Variants in AARS2 observed in about 807,000 individuals in gnomAD.
AARS2 encodes the protein alanyl-tRNA synthetase 2, mitochondrial.
Under a neutral mutation model 119.7 loss-of-function variants are expected in AARS2, and 78 were observed. That is an observed-to-expected ratio of 0.65 (90% confidence interval 0.54 to 0.79). The LOEUF (loss-of-function observed/expected upper bound fraction) is 0.79. Among genes scored for constraint, AARS2 ranks in the 30% least tolerant of loss-of-function variants. The probability of loss-of-function intolerance (pLI) is 0.00; values close to 1 mark genes in which losing one functional copy is unlikely to be tolerated. For synonymous variants in AARS2, 502 were observed against 526.3 expected, an observed-to-expected ratio of 0.95 and a Z score of 0.63; for missense variants, 1,157 against 1,291.3, an observed-to-expected ratio of 0.90 and a Z score of 1.59.
At chr6:44,304,030 A>T in intron 14 of AARS2, 151 bp downstream of exon 14, 2 of 1,146,034 alleles carry the variant, frequency 1.7e-6, no homozygotes, top group Non-Finnish European at 2.5e-6. Context: ...AAGGAGCCCA[A>T]GGGGAAAGGA....
chr6:44,311,104 C>A lies in AARS2; in HGVS notation c.639G>T (p.Gly213=). The change falls in exon 4 of 22, where the codon GGG becomes GGT. Residue 213 remains glycine, a synonymous_variant. Coordinates refer to ENST00000244571, the MANE Select transcript of AARS2 (RefSeq NM_020745.4). ...TACAGGGCCCACAAGGGCCAGTATC[C>A]CCCATCTCCCAGAAGTTCTCTTGTG... ...FGPQENFWEM[G]DTGPCGPCTE... The A allele has an allele frequency of 6.2e-7, 1 of 1,614,088 alleles. No individual in the cohort carries two copies.
Position 44,301,412 on chromosome 6 carries a change from A to G in AARS2, c.2651T>C (p.Ile884Thr). 1 of 1,613,956 alleles carries G rather than the reference A, an allele frequency of 6.2e-7. No homozygotes were observed. The highest frequency in any genetic ancestry group is 1.6e-4 in the Middle Eastern group (1 of 6,062). ...AGACTCAGCAGAGACTGTGTCCACA[A>G]TCAGAGGCCCCTTCGAGTGCCGCTC... Reference protein sequence around the residue: ...LLERHSKGPLIVDTVSAESLS... With the variant: ...LLERHSKGPLTVDTVSAESLS... The change falls in exon 20 of 22, where the codon ATT (isoleucine) becomes ACT (threonine). Residue 884 changes from isoleucine to threonine, a missense_variant. Physicochemically the swap from Ile to Thr is moderately conservative, Grantham distance 89 (BLOSUM62 -1). Coordinates refer to ENST00000244571, the MANE Select transcript of AARS2 (RefSeq NM_020745.4).
At position 44,305,169 on chromosome 6, in the gene AARS2, C is replaced by G. The variant is rs1170641157; in HGVS notation, c.1464G>C (p.Gln488His). 9 of 1,613,296 alleles carry G rather than the reference C, an allele frequency of 5.6e-6. No homozygotes were observed. The highest frequency in any genetic ancestry group is 7.6e-6 in the Non-Finnish European group (9 of 1,180,030). The change falls in exon 11 of 22, where the codon CAG becomes CAC. Residue 488 changes from glutamine to histidine, a missense_variant. Coordinates refer to ENST00000244571, the MANE Select transcript of AARS2 (RefSeq NM_020745.4). This position sits in a 1 kb window ranked among gnomAD's most constrained non-coding sequence, Gnocchi z 4.6. ...QHRARQAEPV[Q>H]KQGLWLDVHA... ...GGACATCAAGCCACAATCCCTGCTTCTGAACTGGCTCAGCCTGCCGTGCCC... is the reference window on the plus strand; with the variant it reads ...GGACATCAAGCCACAATCCCTGCTTGTGAACTGGCTCAGCCTGCCGTGCCC...
rs1205439814 is a variant in AARS2 at position 44,307,851 on chromosome 6, T to TA, written c.895-458_895-457insT. Among the ~76,000 whole-genome samples the TA allele has an allele frequency of 1.3e-5, 2 of 152,178 alleles. No individual in the cohort carries two copies. Among genetic ancestry groups the TA allele is most frequent in the Non-Finnish European group, 2.9e-5 (2 of 68,026 alleles). On this transcript the variant is annotated intron_variant, in intron 5 of 21. Transcript: ENST00000244571. The surrounding 1 kb of genome is among the most constrained non-coding windows in gnomAD (Gnocchi z 4.4). ...TACCTGTTCTTGCCTCTCCCATCTT[T>TA]TGTGGGGGTGGGCAGGGAGGGAGAG...
chr6:44,306,392 C>G lies in AARS2; in HGVS notation c.1189-1G>C, dbSNP rs1230080210. 2.5e-6 allele frequency: 4 copies of G among 1,613,892 alleles called. No homozygotes were observed. The African/African-American group carries it at 5.3e-5, about 22-fold the overall frequency. On this transcript the variant is annotated splice_acceptor_variant, in intron 8 of 21. Coordinates refer to ENST00000244571, the MANE Select transcript of AARS2 (RefSeq NM_020745.4). LOFTEE classifies it high-confidence loss of function. ...CGTCCTCTGACACCAGGTTGGCGATCTGAACCAGGCAGAGAAGAAGTGGAG... is the reference window on the plus strand; with the variant it reads ...CGTCCTCTGACACCAGGTTGGCGATGTGAACCAGGCAGAGAAGAAGTGGAG...
At chr6:44,304,089 C>G in intron 14 of AARS2, 92 bp downstream of exon 14, 1 of 1,589,320 alleles carries the variant, frequency 6.3e-7, no homozygotes. Context: ...GGCCTAGAGC[C>G]CAGGACTCTA....
intron 3 of AARS2, 59 bp downstream of exon 3, chr6:44,311,331 T>G (rs1786332865): frequency 6.2e-7 from 1 of 1,611,934 alleles, no homozygotes; most frequent in Admixed American, 1.7e-5. Flanking sequence ...GTGCTGGTAG[T>G]CTCCACTTTC....
rs1456273273 is a variant in AARS2, at chr6:44,313,128, G to A, written c.196C>T (p.Pro66Ser). Reference sequence around the variant, plus strand: ...AAAAGCAAACTGGGGTCGCCGCGGGGCCGCACGGAAGCGGAGGGCACCAGC... The same window carrying A: ...AAAAGCAAACTGGGGTCGCCGCGGGACCGCACGGAAGCGGAGGGCACCAGC... ...HRLVPSASVR[P>S]RGDPSLLFVN... The change falls in exon 1 of 22, where the codon CCC (proline) becomes TCC (serine). Residue 66 changes from proline (P) to serine (S), a missense_variant. Coordinates refer to ENST00000244571, the MANE Select transcript of AARS2 (RefSeq NM_020745.4). The A allele has an allele frequency of 1.9e-6, 3 of 1,612,668 alleles. No homozygotes were observed. The highest frequency in any genetic ancestry group is 1.1e-5 in the South Asian group (1 of 90,956).
In AARS2 at chr6:44,300,153, G is replaced by A. The variant is rs545769603; in HGVS notation, c.*394C>T. On this transcript the variant is annotated 3_prime_UTR_variant, in exon 22 of 22. Transcript: ENST00000244571. The stretch of plus-strand genomic sequence containing the variant: ...TGCCACCACACCCGGCTAATTTTTT[G>A]TATTTTTAGTAGAGATGGGGTTTCA... 8.0e-6 allele frequency: 2 copies of A among 250,592 alleles called. No homozygotes were observed. The highest frequency in any genetic ancestry group is 1.6e-5 in the Non-Finnish European group (2 of 125,988). 15.5% of individuals were successfully genotyped at this position (250,592 alleles called of 1,614,324 possible). A position where few individuals can be genotyped will look rare whatever the true frequency, so the allele number is the denominator to read the frequency against.
intron 5 of AARS2, among the ~76,000 whole-genome samples, chr6:44,309,058 C>T (rs899430502): frequency 1.2e-4 from 19 of 152,200 alleles, no homozygotes; most frequent in African/African-American, 4.3e-4. Context: ...AGCTGTTTCC[C>T]ATCAAGGGAC....
Position 44,299,437 on chromosome 6 carries a change from T to A in AARS2, c.*1110A>T, listed in dbSNP as rs1785182363. Among the ~76,000 whole-genome samples the A allele has an allele frequency of 6.6e-6, 1 of 150,742 alleles. No individual in the cohort carries two copies. The highest frequency in any genetic ancestry group is 2.1e-4 in the South Asian group (1 of 4,816). Reference sequence around the variant, plus strand: ...GGAGGCTGAGGCATAAAGATTACTTTTTTTTTTTTTTGTAGACAGGGTCTT... The same window carrying A: ...GGAGGCTGAGGCATAAAGATTACTTATTTTTTTTTTTGTAGACAGGGTCTT... On this transcript the variant is annotated 3_prime_UTR_variant, in exon 22 of 22. Coordinates refer to ENST00000244571, the MANE Select transcript of AARS2 (RefSeq NM_020745.4).
chr6:44,302,920 G>A lies in AARS2; in HGVS notation c.2256-10C>T, dbSNP rs758980971. On this transcript the variant is annotated splice_polypyrimidine_tract_variant and intron_variant, in intron 16 of 21. Transcript: ENST00000244571. ...AGTACGTAACAGGTGCCTGTGGGAG[G>A]AAGGAGTGAACAGAAAGTCGGGGCA... The A allele has an allele frequency of 1.2e-5, 19 of 1,613,300 alleles. No individual in the cohort carries two copies. The South Asian group carries it at 2.1e-4, about 18-fold the overall frequency.
Position 44,303,175 on chromosome 6 carries a change from C to A in AARS2, c.2146G>T (p.Val716Phe), listed in dbSNP as rs376864878. 1 of 1,614,178 alleles carries A rather than the reference C, an allele frequency of 6.2e-7. No individual in the cohort carries two copies. Among genetic ancestry groups the A allele is most frequent in the South Asian group, 1.1e-5 (1 of 91,078 alleles). ...ACCACCCGCACAGGGTCTGGGTAAACCTGAGGTCAAGAGGGGACAGGCCCG... is the reference window on the plus strand; with the variant it reads ...ACCACCCGCACAGGGTCTGGGTAAAACTGAGGTCAAGAGGGGACAGGCCCG... ...QVPGLRSLDE[V>F]YPDPVRVVSV... is the part of the protein sequence containing the mutation. Residue 716 changes from valine (V) to phenylalanine (F), a missense_variant and splice_region_variant, in exon 16 of 22, where the codon GTT becomes TTT. Coordinates refer to ENST00000244571, the MANE Select transcript of AARS2 (RefSeq NM_020745.4).
chr6:44,307,050 C>T lies in AARS2; in HGVS notation c.1041-19G>A. 6.2e-7 allele frequency: 1 copy of T among 1,612,894 alleles called. No homozygotes were observed. The highest frequency in any genetic ancestry group is 8.5e-7 in the Non-Finnish European group (1 of 1,178,948). On this transcript the variant is annotated intron_variant, in intron 6 of 21. Coordinates refer to ENST00000244571, the MANE Select transcript of AARS2 (RefSeq NM_020745.4). The surrounding 1 kb of genome is among the most constrained non-coding windows in gnomAD (Gnocchi z 4.4). ...AACCAGCCTAAAGGGGTTCAGAGCC[C>T]AGACATGAATCCCCAGCGGCTCATG...
Position 44,313,094 on chromosome 6 carries a change from G to C in AARS2, c.230C>G (p.Ala77Gly). The change falls in exon 1 of 22, where the codon GCG (alanine) becomes GGG (glycine). Residue 77 changes from alanine (A) to glycine (G), a missense_variant. Transcript: ENST00000244571. ...RGDPSLLFVN[A>G]GMNQFKPIFL... ...TTCGGCCCTCACCTGGTTCATGCCC[G>C]CATTGACAAAAAGCAAACTGGGGTC... is the stretch of plus-strand genomic sequence containing the variant. 6.2e-7 allele frequency: 1 copy of C among 1,613,318 alleles called. No individual in the cohort carries two copies.
rs751523537 is a variant in AARS2 at position 44,303,399 on chromosome 6, G to A, written c.2032C>T (p.Arg678Trp). 1.5e-5 allele frequency: 24 copies of A among 1,613,910 alleles called. No homozygotes were observed. Among genetic ancestry groups the A allele is most frequent in the Middle Eastern group, 1.6e-4 (1 of 6,084 alleles). Reference sequence around the variant, plus strand: ...TCCTGCACAGTGTTCTCCACTGCCCGGAGCTGCTCTGGGGTCAATGGGGTC... The same window carrying A: ...TCCTGCACAGTGTTCTCCACTGCCCAGAGCTGCTCTGGGGTCAATGGGGTC... ...TQTPLTPEQL[R>W]AVENTVQEAV... The change falls in exon 15 of 22, where the codon CGG becomes TGG. Residue 678 changes from arginine (R) to tryptophan (W), a missense_variant. By Grantham distance (101) the Arg-to-Trp change is moderately radical (BLOSUM62 -3). Transcript: ENST00000244571.
Position 44,305,294 on chromosome 6 carries a change from T to C in AARS2, c.1435-96A>G. On this transcript the variant is annotated intron_variant, in intron 10 of 21. Coordinates refer to ENST00000244571, the MANE Select transcript of AARS2 (RefSeq NM_020745.4). The surrounding 1 kb of genome is among the most constrained non-coding windows in gnomAD (Gnocchi z 4.6). The stretch of plus-strand genomic sequence containing the variant: ...CAGGGCCCTGTCCCTGCCACACAGC[T>C]GTGGACTCTGCAGCCCTTCTGGAAT... The C allele has an allele frequency of 6.4e-7, 1 of 1,553,426 alleles. No individual in the cohort carries two copies. Among genetic ancestry groups the C allele is most frequent in the South Asian group, 1.1e-5 (1 of 89,344 alleles).
Position 44,302,168 on chromosome 6 carries a change from A to G in AARS2, c.2490T>C (p.Ala830=). 1.9e-6 allele frequency: 3 copies of G among 1,614,046 alleles called. No homozygotes were observed. In the South Asian group the frequency reaches 3.3e-5, roughly 18 times the overall value. Residue 830 remains alanine, a splice_region_variant and synonymous_variant, in exon 19 of 22, where the codon GCT becomes GCC. Coordinates refer to ENST00000244571, the MANE Select transcript of AARS2 (RefSeq NM_020745.4). ...LSKDIGRLIE[A]VETAVMPQWQ... ...ACTGGGGCATCACAGCAGTTTCCAC[A>G]GCCTATGGCCAGAAGCAGTACATCA...
In AARS2 at chr6:44,301,187, C is replaced by A; in HGVS notation, c.2762G>T (p.Gly921Val). ...CACCTGACAGGCACACAGCACCTTC[C>A]CCATGGGCTGGGGGCTGAGTAGGAG... ...SVLLLSPQPM[G>V]KVLCACQVAQ... is the part of the protein sequence containing the mutation. Residue 921 changes from glycine to valine, a missense_variant, in exon 21 of 22, where the codon GGG (glycine) becomes GTG (valine). By Grantham distance (109) the Gly-to-Val change is moderately radical (BLOSUM62 -3). Transcript: ENST00000244571. The A allele has an allele frequency of 6.2e-7, 1 of 1,613,734 alleles. No individual in the cohort carries two copies. Among genetic ancestry groups the A allele is most frequent in the Non-Finnish European group, 8.5e-7 (1 of 1,179,978 alleles).
Sources: gnomAD v4.1 joint callset for allele counts (sites outside exome capture counted in the v4.1 genomes callset) on GRCh38, gnomAD v4.1.1 for gene constraint, Gnocchi (gnomAD v3.1) non-coding constraint, MANE v1.5 for transcripts, NCBI Gene and HGNC (gene_info 2026-07-23, HGNC 2026-07-21) for gene names.